DNAH3: variants seen among roughly 807,000 people sequenced by gnomAD.
The protein encoded by DNAH3 is axonemal beta dynein heavy chain 3.
Under a neutral mutation model 432.5 loss-of-function variants are expected in DNAH3, and 332 were observed. That is an observed-to-expected ratio of 0.77 (90% CI 0.70 to 0.84). The LOEUF (loss-of-function observed/expected upper bound fraction) is 0.84, where lower values mean the gene tolerates loss of function less well. Among genes scored for constraint, DNAH3 ranks in the 40% least tolerant of loss-of-function variants. DNAH3 has a pLI of 0.00. For missense variants in DNAH3, 4,861 were observed against 5,114.0 expected (o/e 0.95, Z 1.51); for synonymous variants, 1,956 against 1,900.2 (o/e 1.03, Z -0.76).
At position 21,034,270 on chromosome 16, in the gene DNAH3, T is replaced by C. The variant is rs186071038; in HGVS notation, c.5086-185A>G. ...TATCTTTCAGACGAAAAAATATATG[T>C]GTGTGTCTCAGATTATTTAAGGGAT... On this transcript the variant is annotated intron_variant, in intron 35 of 61. Transcript: ENST00000261383. Among the ~76,000 whole-genome samples the C allele has an allele frequency of 2.8e-4, 43 of 152,316 alleles. No individual in the cohort carries two copies. In the East Asian group the frequency reaches 7.5e-3, roughly 27 times the overall value.
intron 12 of DNAH3, among the ~76,000 whole-genome samples, chr16:21,114,361 G>GA (rs2092138665): frequency 1.3e-5 from 1 of 79,158 alleles, no homozygotes; most frequent in Non-Finnish European, 2.6e-5. Flanking sequence ...TGGCTGGACA[G>GA]TTTCCCCAAA....
At chr16:21,102,271 C>G (rs2091855892) in intron 16 of DNAH3, among the ~76,000 whole-genome samples, 1 of 152,202 alleles carries the variant, frequency 6.6e-6, no homozygotes, top group Admixed American at 6.5e-5. Context: ...ACACTCTACT[C>G]CTCTCGTCAT....
At chr16:21,136,715 T>C in intron 5 of DNAH3, 1 of 601,654 alleles carries the variant, frequency 1.7e-6, no homozygotes. Flanking sequence ...CTTCAGAGGA[T>C]TCAACCAAAG....
intron 37 of DNAH3, among the ~76,000 whole-genome samples, chr16:21,028,506 CAAA>C: frequency 1.2e-5 from 1 of 80,162 alleles, no homozygotes; most frequent in African/African-American, 3.9e-5. Flanking sequence ...ACTAAAAGTA[CAAA>C]AAAAAAAAAA....
Position 21,024,300 on chromosome 16 carries a change from T to G in DNAH3, c.5646+296A>C, listed in dbSNP as rs374526917. 2.0e-5 allele frequency among the ~76,000 whole-genome samples: 3 copies of G among 152,252 alleles called. No individual in the cohort carries two copies. In the South Asian group the frequency reaches 6.2e-4, roughly 32 times the overall value. On this transcript the variant is annotated intron_variant, in intron 39 of 61. Transcript: ENST00000261383. The stretch of plus-strand genomic sequence containing the variant: ...GGGCAATGAAGAAAGAGGTGACATT[T>G]CAGCTTCCACAGAGAACATTCCTCA...
intron 1 of DNAH3, among the ~76,000 whole-genome samples, chr16:21,147,011 C>A (rs924447476): frequency 1.3e-5 from 2 of 151,924 alleles, no homozygotes; most frequent in African/African-American, 4.8e-5. Context: ...CTGCCCTCCT[C>A]GGCCTCCCAA....
At chr16:21,123,115 C>A (rs1024343055) in intron 9 of DNAH3, among the ~76,000 whole-genome samples, 3 of 152,146 alleles carry the variant, frequency 2.0e-5, no homozygotes, top group Admixed American at 6.5e-5. Context: ...TTGATTCAGT[C>A]CAAAAGTATT....
intron 54 of DNAH3, among the ~76,000 whole-genome samples, chr16:20,956,459 C>T (rs115616404): frequency 6.6e-6 from 1 of 152,114 alleles, no homozygotes; most frequent in Admixed American, 6.6e-5. Context: ...TACTGTGGAA[C>T]GTGGACTATT....
intron 18 of DNAH3, among the ~76,000 whole-genome samples, chr16:21,092,672 AG>A (rs1275281954): frequency 2.4e-5 from 3 of 124,626 alleles, no homozygotes; most frequent in Non-Finnish European, 5.0e-5. Context: ...AGAATAAAAA[AG>A]GCACAGTCTG....
intron 43 of DNAH3, among the ~76,000 whole-genome samples, chr16:20,998,263 GTT>G (rs993720872): frequency 1.3e-5 from 2 of 151,936 alleles, no homozygotes; most frequent in Non-Finnish European, 2.9e-5. Flanking sequence ...TGTTTGTTTT[GTT>G]TTTGTTTTTG....
At chr16:21,123,925 TG>T (rs2092395573) in intron 9 of DNAH3, among the ~76,000 whole-genome samples, 1 of 152,080 alleles carries the variant, frequency 6.6e-6, no homozygotes, top group Non-Finnish European at 1.5e-5. Context: ...CCTGAGTAGC[TG>T]GGACTACAGG....
intron 11 of DNAH3, 89 bp from the exon 12 acceptor site, chr16:21,117,428 C>G: frequency 1.4e-6 from 1 of 724,236 alleles, no homozygotes. Flanking sequence ...GCACTCATTT[C>G]CAGGGCTGCC....
exon 14 of DNAH3, chr16:21,111,747 G>A: frequency 1.1e-5 from 18 of 1,613,968 alleles, no homozygotes; most frequent in Non-Finnish European, 1.5e-5. Context: ...ATGGCTAAAG[G>A]CACGGTGATG....
At chr16:21,075,488 A>T (rs756849351) in exon 21 of DNAH3, 15 of 1,614,014 alleles carry the variant, frequency 9.3e-6, no homozygotes, top group Non-Finnish European at 8.5e-6. Flanking sequence ...ACGTTAACCC[A>T]ATCCAACTTC....
chr16:21,037,925 G>A lies in DNAH3; in HGVS notation c.4786C>T (p.Gln1596Ter). Residue 1596 changes from glutamine (Q) to a stop codon, truncating the protein, a stop_gained, in exon 34 of 62, where the codon CAG becomes TAG. Coordinates refer to ENST00000261383, the Ensembl canonical transcript of DNAH3. LOFTEE classifies it high-confidence loss of function. ...CGCATACCGTAGTCATAGTGATGCT[G>A]AGAGGACAGTTGTTCCGAGCACAGG... 6.2e-7 allele frequency: 1 copy of A among 1,614,198 alleles called. No individual in the cohort carries two copies. The highest frequency in any genetic ancestry group is 1.1e-5 in the South Asian group (1 of 91,076).
rs764168922 is a variant in DNAH3 at position 21,125,387 on chromosome 16, G to T, written c.1209-17C>A. On this transcript the variant is annotated splice_polypyrimidine_tract_variant and intron_variant, in intron 8 of 61. Coordinates refer to ENST00000261383, the Ensembl canonical transcript of DNAH3. ...GGGATCCACCTGTAAAGACAGAAGGGTGTCCATGTGAGAAGCTCTTCTGGG... is the reference window on the plus strand; with the variant it reads ...GGGATCCACCTGTAAAGACAGAAGGTTGTCCATGTGAGAAGCTCTTCTGGG... The T allele has an allele frequency of 2.6e-6, 4 of 1,558,610 alleles. No homozygotes were observed. Among genetic ancestry groups the T allele is most frequent in the Non-Finnish European group, 3.5e-6 (4 of 1,149,714 alleles).
At chr16:21,096,285 T>C (rs2091676978) in intron 18 of DNAH3, among the ~76,000 whole-genome samples, 1 of 151,922 alleles carries the variant, frequency 6.6e-6, no homozygotes, top group Non-Finnish European at 1.5e-5. Context: ...ACGTGCACCA[T>C]CACACTTGGC....
chr16:21,007,600 CTAAATT>C (rs1374252209), intron 41 of DNAH3, among the ~76,000 whole-genome samples: 1 of 152,122 alleles, frequency 6.6e-6, no homozygotes, highest in East Asian at 1.9e-4. Context: ...TCTATATATT[CTAAATT>C]TGAGTCCCTT....
At chr16:20,995,391 G>A (rs1389480783) in intron 44 of DNAH3, among the ~76,000 whole-genome samples, 3 of 151,698 alleles carry the variant, frequency 2.0e-5, no homozygotes, top group Non-Finnish European at 2.9e-5. Context: ...TCAGCCTCCC[G>A]GGTAGCTGGG....
Sources: gnomAD v4.1 joint callset for allele counts (sites outside exome capture counted in the v4.1 genomes callset) on GRCh38, gnomAD v4.1.1 for gene constraint, MANE v1.5 for transcripts, NCBI Gene and HGNC (gene_info 2026-07-23, HGNC 2026-07-21) for gene names.